The following MRTFA variants were observed in gnomAD, a reference collection of about 807,000 sequenced individuals.
MRTFA encodes myocardin related transcription factor A, also known as myocardin-related transcription factor A.
A neutral mutation model predicts 83.5 loss-of-function variants in MRTFA; 20 were observed. The observed-to-expected ratio is 0.24, with a 90% CI of 0.17 to 0.35. The LOEUF (loss-of-function observed/expected upper bound fraction) is 0.35, where lower values mean the gene tolerates loss of function less well. Among genes scored for constraint, MRTFA ranks in the 10% least tolerant of loss-of-function variants. The probability of loss-of-function intolerance (pLI) is 1.00; values close to 1 mark genes in which losing one functional copy is unlikely to be tolerated. For synonymous variants in MRTFA, 659 were observed against 541.2 expected (o/e 1.22, Z -3.02); for missense variants, 1,200 against 1,224.7 (o/e 0.98, Z 0.30).
Position 40,479,437 on chromosome 22 carries a change from G to A in MRTFA, c.242-16151C>T, listed in dbSNP as rs376218201. 4.6e-5 allele frequency among the ~76,000 whole-genome samples: 7 copies of A among 152,028 alleles called. 1 individual carries two copies. The East Asian group carries it at 5.8e-4, about 13-fold the overall frequency. ...CTGCTGCTGGCCGGCCTTTCCTCTC[G>A]CAAGTCCCCTCTTTCTCACGAGAGA... On this transcript the variant is annotated intron_variant, in intron 3 of 14. Coordinates refer to ENST00000355630, the MANE Select transcript of MRTFA (RefSeq NM_020831.6).
At chr22:40,598,860 G>C (rs1266143191) in intron 1 of MRTFA, among the ~76,000 whole-genome samples, 1 of 151,618 alleles carries the variant, frequency 6.6e-6, no homozygotes, top group Non-Finnish European at 1.5e-5. Context: ...GTGTGGCAGT[G>C]CACGCCTATA....
chr22:40,509,490 G>A (rs900823518), intron 3 of MRTFA, among the ~76,000 whole-genome samples: 1 of 152,150 alleles, frequency 6.6e-6, no homozygotes. Context: ...TCAGCCTAAG[G>A]CTATTTTCCC....
At chr22:40,432,844 G>A (rs1427137726) in intron 5 of MRTFA, among the ~76,000 whole-genome samples, 2 of 152,220 alleles carry the variant, frequency 1.3e-5, no homozygotes, top group Non-Finnish European at 2.9e-5. Flanking sequence ...GTGGGCAGAA[G>A]TACTGCCTCA....
At chr22:40,458,751 C>A (rs929156175) in intron 4 of MRTFA, among the ~76,000 whole-genome samples, 1 of 152,086 alleles carries the variant, frequency 6.6e-6, no homozygotes, top group African/African-American at 2.4e-5. Flanking sequence ...CTAAGTTGTA[C>A]AACAAACTTA....
intron 3 of MRTFA, among the ~76,000 whole-genome samples, chr22:40,478,196 C>A (rs1305059135): frequency 2.6e-5 from 4 of 152,068 alleles, no homozygotes; most frequent in Non-Finnish European, 5.9e-5. Context: ...AGTCTATTGA[C>A]CAACCATCTA....
chr22:40,525,594 A>G (rs1467565176), intron 3 of MRTFA, among the ~76,000 whole-genome samples: 1 of 152,208 alleles, frequency 6.6e-6, no homozygotes, highest in Non-Finnish European at 1.5e-5. Flanking sequence ...TTTAGTATAA[A>G]TACATAAAAT....
At chr22:40,538,468 A>C (rs978590248) in intron 3 of MRTFA, among the ~76,000 whole-genome samples, 1 of 150,320 alleles carries the variant, frequency 6.7e-6, no homozygotes, top group Non-Finnish European at 1.5e-5. Flanking sequence ...AAAACCAGAG[A>C]CCTTTGTTCA....
chr22:40,530,236 C>A (rs1286630513), intron 3 of MRTFA, among the ~76,000 whole-genome samples: 1 of 152,214 alleles, frequency 6.6e-6, no homozygotes, highest in Non-Finnish European at 1.5e-5. Flanking sequence ...CAGTACCATG[C>A]CCCAATATTC....
At chr22:40,424,780 C>T (rs963070303) in intron 7 of MRTFA, among the ~76,000 whole-genome samples, 15 of 152,226 alleles carry the variant, frequency 9.9e-5, no homozygotes, top group African/African-American at 3.6e-4. Flanking sequence ...TCTGTATCTT[C>T]ATCCCACACT....
chr22:40,439,257 C>CTT (rs1481580837), intron 4 of MRTFA, among the ~76,000 whole-genome samples: 1 of 152,108 alleles, frequency 6.6e-6, no homozygotes, highest in Non-Finnish European at 1.5e-5. Flanking sequence ...AATCCTAGCA[C>CTT]TTTGGGAGGC....
chr22:40,557,856 C>A (rs964789345), intron 2 of MRTFA, among the ~76,000 whole-genome samples: 6 of 152,186 alleles, frequency 3.9e-5, no homozygotes, highest in Non-Finnish European at 8.8e-5. Context: ...TCAGTGCAAC[C>A]TCCACCTCCC....
intron 6 of MRTFA, among the ~76,000 whole-genome samples, chr22:40,430,213 C>T (rs369659153): frequency 1.3e-5 from 2 of 152,266 alleles, no homozygotes; most frequent in Admixed American, 6.5e-5. Context: ...AACGGCTGGG[C>T]GTGGTGGCTC....
chr22:40,456,515 G>A (rs1390251736), intron 4 of MRTFA, among the ~76,000 whole-genome samples: 2 of 151,870 alleles, frequency 1.3e-5, no homozygotes, highest in Admixed American at 6.6e-5. Context: ...TGGCAAAACC[G>A]CATTTCTACT....
At chr22:40,533,836 G>A in intron 3 of MRTFA, 1 of 386,396 alleles carries the variant, frequency 2.6e-6, no homozygotes, top group East Asian at 3.7e-5. Context: ...TTGAATTACT[G>A]CCGACAGGAA....
rs905417011 is a variant in MRTFA at position 40,460,115 on chromosome 22, G to A, written c.307+3106C>T. 6.9e-4 allele frequency among the ~76,000 whole-genome samples: 105 copies of A among 151,870 alleles called. 2 individuals are homozygous for A. Among genetic ancestry groups the A allele is most frequent in the Middle Eastern group, 3.4e-3 (1 of 294 alleles). ...AATTTTTGTATTTTTAGTAGAGACG[G>A]GGTTTCACCATGTTAGCCAGGCTGG... On this transcript the variant is annotated intron_variant, in intron 4 of 14. Coordinates refer to ENST00000355630, the MANE Select transcript of MRTFA (RefSeq NM_020831.6).
intron 3 of MRTFA, among the ~76,000 whole-genome samples, chr22:40,505,297 T>C (rs2054562655): frequency 6.6e-6 from 1 of 152,232 alleles, no homozygotes; most frequent in African/African-American, 2.4e-5. Flanking sequence ...CTATGAGTCT[T>C]ATCCATCCTC....
chr22:40,416,909 A>C lies in MRTFA; in HGVS notation c.2578+77T>G, dbSNP rs539052971. 410 of 1,431,140 alleles carry C rather than the reference A, an allele frequency of 2.9e-4. 1 individual carries two copies. The African/African-American group carries it at 5.3e-3, about 19-fold the overall frequency. The allele number at this position is 1,431,140 out of a possible 1,614,324, so 88.7% of individuals were successfully genotyped here. Reference sequence around the variant, plus strand: ...GGTCACGCACGGAAGCATTCAATAAAAACAAACCAACCCAGGGCTAGAGAC... The same window carrying C: ...GGTCACGCACGGAAGCATTCAATAACAACAAACCAACCCAGGGCTAGAGAC... On this transcript the variant is annotated intron_variant, in intron 14 of 14. Coordinates refer to ENST00000355630, the MANE Select transcript of MRTFA (RefSeq NM_020831.6). The surrounding 1 kb of genome is among the most constrained non-coding windows in gnomAD (Gnocchi z 4.2).
At chr22:40,600,299 G>C (rs542951096) in intron 1 of MRTFA, among the ~76,000 whole-genome samples, 3 of 152,136 alleles carry the variant, frequency 2.0e-5, no homozygotes, top group Non-Finnish European at 2.9e-5. Flanking sequence ...AGCGATCCAA[G>C]AGTCTTAAAG....
At chr22:40,567,538 G>A (rs185242633) in intron 2 of MRTFA, among the ~76,000 whole-genome samples, 10 of 152,178 alleles carry the variant, frequency 6.6e-5, no homozygotes, top group Non-Finnish European at 1.0e-4. Flanking sequence ...TTCTTCAGTC[G>A]ATTCTACTCT....
Sources: gnomAD v4.1 joint callset for allele counts (sites outside exome capture counted in the v4.1 genomes callset) on GRCh38, gnomAD v4.1.1 for gene constraint, Gnocchi (gnomAD v3.1) non-coding constraint, MANE v1.5 for transcripts, NCBI Gene and HGNC (gene_info 2026-07-23, HGNC 2026-07-21) for gene names.